Variants in FAM120C observed in about 807,000 individuals in gnomAD.
The protein encoded by FAM120C is family with sequence similarity 120 member C.
In FAM120C, 14 loss-of-function variants were observed where a neutral mutation model predicts 71.2. That is an observed-to-expected ratio of 0.20 (90% CI 0.13 to 0.31). The LOEUF (loss-of-function observed/expected upper bound fraction) is 0.31, where lower values mean the gene tolerates loss of function less well. Among genes scored for constraint, FAM120C ranks in the 10% least tolerant of loss-of-function variants. FAM120C has a pLI of 1.00. For synonymous variants in FAM120C, 354 were observed against 353.2 expected (o/e 1.00, Z -0.03); for missense variants, 500 against 879.0 (o/e 0.57, Z 5.45).
chrX:54,072,719 A>C lies in FAM120C; in HGVS notation c.*314T>G. 5.2e-6 allele frequency: 1 copy of C among 192,509 alleles called. No homozygotes were observed. The highest frequency in any genetic ancestry group is 7.0e-5 in the Admixed American group (1 of 14,283). 15.9% of individuals were successfully genotyped at this position (192,509 alleles called of 1,213,427 possible). On this transcript the variant is annotated 3_prime_UTR_variant, in exon 16 of 16. Coordinates refer to ENST00000375180, the MANE Select transcript of FAM120C (RefSeq NM_017848.6). ...TATAGGACCTTATGTGATGATACCC[A>C]ATTTCTGACAGCTACTGCCTTACTA...
intron 9 of FAM120C, among the ~76,000 whole-genome samples, chrX:54,128,788 G>T (rs1310096735): frequency 3.6e-5 from 4 of 111,706 alleles, no homozygotes; most frequent in Non-Finnish European, 7.5e-5. Context: ...AGGGTTGGGG[G>T]TAAGGTCACA....
chrX:54,098,042 T>C (rs1284887306), intron 10 of FAM120C, among the ~76,000 whole-genome samples: 9 of 81,889 alleles, frequency 1.1e-4, no homozygotes, highest in African/African-American at 4.2e-4. Flanking sequence ...TTTATATTAC[T>C]TTTTTTTTTT....
At chrX:54,079,452 G>C (rs2066753747) in intron 15 of FAM120C, among the ~76,000 whole-genome samples, 1 of 109,187 alleles carries the variant, frequency 9.2e-6, no homozygotes. Context: ...GAGAGAGAGA[G>C]AGAGAGAGAG....
At chrX:54,100,190 G>A (rs1279237848) in intron 10 of FAM120C, among the ~76,000 whole-genome samples, 1 of 110,302 alleles carries the variant, frequency 9.1e-6, no homozygotes, top group Non-Finnish European at 1.9e-5. Flanking sequence ...TACAAAAGAT[G>A]TAAAAATTAG....
intron 8 of FAM120C, among the ~76,000 whole-genome samples, chrX:54,133,069 C>T (rs782020035): frequency 4.4e-5 from 5 of 112,414 alleles, no homozygotes; most frequent in East Asian, 5.6e-4. Context: ...AAAGTCTCAA[C>T]GGCTGGGCAT....
intron 1 of FAM120C, among the ~76,000 whole-genome samples, chrX:54,169,329 T>C (rs185432773): frequency 2.7e-5 from 3 of 111,033 alleles, no homozygotes; most frequent in East Asian, 2.8e-4. Flanking sequence ...ATTAAGTACA[T>C]TGTTTCTCAA....
chrX:54,098,771 G>A (rs111422178), intron 10 of FAM120C, among the ~76,000 whole-genome samples: 3,439 of 110,106 alleles, frequency 0.031, 131 homozygotes, highest in African/African-American at 0.11. Context: ...TTACAGGCAC[G>A]CGCCATGCCC....
Position 54,072,522 on chromosome X carries a change from T to C in FAM120C, c.*511A>G, listed in dbSNP as rs1557120171. ...TGGTGGTACAAAATCCAGGGGTAGG[T>C]AAGTTGGAAGGAGTGAAGAAGAGGT... On this transcript the variant is annotated 3_prime_UTR_variant, in exon 16 of 16. Coordinates refer to ENST00000375180, the MANE Select transcript of FAM120C (RefSeq NM_017848.6). 1 of 104,521 alleles carries C rather than the reference T, an allele frequency of 9.6e-6. No homozygotes were observed. The highest frequency in any genetic ancestry group is 1.9e-5 in the Non-Finnish European group (1 of 51,362). 8.6% of individuals were successfully genotyped at this position (104,521 alleles called of 1,213,427 possible). A position where few individuals can be genotyped will look rare whatever the true frequency, so the allele number is the denominator to read the frequency against.
chrX:54,104,744 G>T (rs952195430), intron 10 of FAM120C, among the ~76,000 whole-genome samples: 1 of 109,182 alleles, frequency 9.2e-6, no homozygotes, highest in Non-Finnish European at 1.9e-5. Context: ...GGAGGCGGAG[G>T]TTGCAGTGAG....
At chrX:54,107,201 A>G (rs1414317421) in intron 10 of FAM120C, among the ~76,000 whole-genome samples, 1 of 109,536 alleles carries the variant, frequency 9.1e-6, no homozygotes, top group African/African-American at 3.3e-5. Context: ...GGTTCAAGCA[A>G]TTCTCATGCC....
intron 4 of FAM120C, among the ~76,000 whole-genome samples, chrX:54,146,698 G>T (rs1441089467): frequency 9.0e-6 from 1 of 111,310 alleles, no homozygotes; most frequent in East Asian, 2.8e-4. Flanking sequence ...ATGAATGAAT[G>T]AATGAATGTG....
In FAM120C at chrX:54,129,704, C is replaced by T. The variant is rs782692183; in HGVS notation, c.2062+2988G>A. ...TGGAGGTTGTAGCGAGCCAAGATCA[C>T]GCCACTGCACTCCAGCCTGGGCACC... is the stretch of plus-strand genomic sequence containing the variant. On this transcript the variant is annotated intron_variant, in intron 9 of 15. Transcript: ENST00000375180. Among the ~76,000 whole-genome samples the T allele has an allele frequency of 2.0e-3, 224 of 112,091 alleles. 1 individual carries two copies. The highest frequency in any genetic ancestry group is 6.8e-3 in the African/African-American group (209 of 30,940).
intron 1 of FAM120C, among the ~76,000 whole-genome samples, chrX:54,176,878 C>T (rs1303619320): frequency 9.0e-6 from 1 of 110,915 alleles, no homozygotes; most frequent in Non-Finnish European, 1.9e-5. Context: ...TATGAAAATA[C>T]TATGAAAGAG....
chrX:54,164,257 G>T (rs986359221), intron 1 of FAM120C, among the ~76,000 whole-genome samples: 2 of 111,677 alleles, frequency 1.8e-5, no homozygotes, highest in Non-Finnish European at 3.8e-5. Flanking sequence ...AATATTTTTT[G>T]TTGTGATTGA....
chrX:54,083,714 T>C (rs1433734085), intron 13 of FAM120C, among the ~76,000 whole-genome samples: 1 of 110,719 alleles, frequency 9.0e-6, no homozygotes, highest in Non-Finnish European at 1.9e-5. Flanking sequence ...AGAGTGCTAG[T>C]TACCTTTTTG....
intron 1 of FAM120C, among the ~76,000 whole-genome samples, chrX:54,167,405 T>C (rs1417150300): frequency 9.0e-6 from 1 of 111,477 alleles, no homozygotes; most frequent in Non-Finnish European, 1.9e-5. Flanking sequence ...ACCAAACAAC[T>C]GATCAGAGAA....
At chrX:54,092,807 C>T in intron 10 of FAM120C, among the ~76,000 whole-genome samples, 1 of 111,330 alleles carries the variant, frequency 9.0e-6, no homozygotes, top group Admixed American at 9.7e-5. Flanking sequence ...TTTAACCTTT[C>T]CATCTTATTT....
At chrX:54,158,894 A>C (rs1360669343) in intron 2 of FAM120C, among the ~76,000 whole-genome samples, 2 of 112,373 alleles carry the variant, frequency 1.8e-5, no homozygotes, top group African/African-American at 6.5e-5. Flanking sequence ...TTTTTACTGC[A>C]AAGCCCTTTT....
chrX:54,183,184 G>A lies in FAM120C; in HGVS notation c.15C>T (p.Gly5=), dbSNP rs782355185. The change falls in exon 1 of 16, where the codon GGC becomes GGT. Residue 5 remains glycine (G), a synonymous_variant. Transcript: ENST00000375180. ...AGCGCTTCTCCAGGAACTCTTGGAA[G>A]CCCTGGACACCCATGCTTCGTCGGT... MGVQ[G]FQEFLEKRCP... The A allele has an allele frequency of 1.6e-5, 18 of 1,124,960 alleles. No individual in the cohort carries two copies. In the Middle Eastern group the frequency reaches 9.7e-4, roughly 61 times the overall value. 92.7% of individuals were successfully genotyped at this position (1,124,960 alleles called of 1,213,427 possible).
Sources: gnomAD v4.1 joint callset for allele counts (sites outside exome capture counted in the v4.1 genomes callset) on GRCh38, gnomAD v4.1.1 for gene constraint, MANE v1.5 for transcripts, NCBI Gene and HGNC (gene_info 2026-07-23, HGNC 2026-07-21) for gene names.